The following CDH12 variants were observed in gnomAD, a reference collection of about 807,000 sequenced individuals.
The protein encoded by CDH12 is cadherin-12.
A neutral mutation model predicts 74.1 loss-of-function variants in CDH12; 41 were observed. The observed-to-expected ratio is 0.55, with a 90% confidence interval of 0.43 to 0.72. CDH12 has a LOEUF of 0.72. Ranked by LOEUF, CDH12 falls within the 30% of genes least tolerant of loss-of-function variation. The probability of loss-of-function intolerance (pLI) is 0.00; values close to 1 mark genes in which losing one functional copy is unlikely to be tolerated. For missense variants in CDH12, 945 were observed against 977.2 expected, an observed-to-expected ratio of 0.97 and a Z score of 0.44; for synonymous variants, 399 against 355.0, an observed-to-expected ratio of 1.12 and a Z score of -1.39.
intron 3 of CDH12, among the ~76,000 whole-genome samples, chr5:22,240,355 AAT>A (rs887806661): frequency 2.0e-5 from 3 of 152,186 alleles, no homozygotes; most frequent in African/African-American, 7.2e-5. Context: ...CTTATGTTTT[AAT>A]ATGAGTACAA....
chr5:22,550,985 A>T (rs1414178656), intron 1 of CDH12, among the ~76,000 whole-genome samples: 2 of 152,170 alleles, frequency 1.3e-5, no homozygotes, highest in African/African-American at 2.4e-5. Context: ...TTTGAAACAT[A>T]CTGACATGTA....
intron 3 of CDH12, among the ~76,000 whole-genome samples, chr5:22,304,954 T>C (rs1738039038): frequency 1.3e-5 from 2 of 152,212 alleles, no homozygotes; most frequent in Admixed American, 1.3e-4. Context: ...TCGAAAATAC[T>C]AGAAGGCCCC....
chr5:22,244,606 G>C (rs565396368), intron 3 of CDH12, among the ~76,000 whole-genome samples: 1 of 115,656 alleles, frequency 8.6e-6, no homozygotes, highest in African/African-American at 3.2e-5. Flanking sequence ...GACAGAGAGA[G>C]AAAGGAAGGA....
intron 3 of CDH12, among the ~76,000 whole-genome samples, chr5:22,220,694 T>C (rs1170643904): frequency 6.6e-6 from 1 of 151,718 alleles, no homozygotes; most frequent in Non-Finnish European, 1.5e-5. Flanking sequence ...GGATAAAATT[T>C]AGATAGCTAC....
At chr5:22,006,055 G>A (rs1736937154) in intron 5 of CDH12, among the ~76,000 whole-genome samples, 1 of 152,062 alleles carries the variant, frequency 6.6e-6, no homozygotes, top group Non-Finnish European at 1.5e-5. Context: ...TGGCTTCTGA[G>A]GCATCCCACT....
chr5:21,936,958 T>A (rs1755101051), intron 6 of CDH12, among the ~76,000 whole-genome samples: 1 of 152,232 alleles, frequency 6.6e-6, no homozygotes, highest in South Asian at 2.1e-4. Flanking sequence ...GTGAGTCAAG[T>A]AAGCCTCTTT....
chr5:22,019,485 G>T (rs1003473647), intron 5 of CDH12, among the ~76,000 whole-genome samples: 3 of 152,180 alleles, frequency 2.0e-5, no homozygotes, highest in African/African-American at 4.8e-5. Flanking sequence ...AAGGTGATTA[G>T]GTTTAGATGA....
rs1328158221 is a variant in CDH12, at chr5:22,146,312, G to T, written c.-187+66186C>A. Among the ~76,000 whole-genome samples, 4 of 152,098 alleles carry T rather than the reference G, an allele frequency of 2.6e-5. No individual in the cohort carries two copies. In the East Asian group the frequency reaches 7.7e-4, roughly 29 times the overall value. On this transcript the variant is annotated intron_variant, in intron 4 of 14. Transcript: ENST00000382254. ...TCCCCATAACATGGCCTTAAAAAAG[G>T]TTAATCTTTTAACAACGGGGTCATG...
At chr5:21,883,370 T>C (rs1752458693) in intron 6 of CDH12, 1 of 1,534,150 alleles carries the variant, frequency 6.5e-7, no homozygotes, top group Non-Finnish European at 9.0e-7. Flanking sequence ...TTGTACCTGC[T>C]CTTGAAATTG....
At chr5:22,404,790 T>C (rs1179594264) in intron 3 of CDH12, among the ~76,000 whole-genome samples, 1 of 152,218 alleles carries the variant, frequency 6.6e-6, no homozygotes, top group African/African-American at 2.4e-5. Context: ...CTGGATATTC[T>C]TGGTAACTAG....
chr5:21,923,398 A>G (rs1754446482), intron 6 of CDH12, among the ~76,000 whole-genome samples: 1 of 152,172 alleles, frequency 6.6e-6, no homozygotes, highest in South Asian at 2.1e-4. Context: ...TGTAAATGTT[A>G]GTTTTTAATT....
chr5:22,204,162 G>GT (rs113456439), intron 4 of CDH12, among the ~76,000 whole-genome samples: 4,326 of 129,802 alleles, frequency 0.033, 108 homozygotes, highest in African/African-American at 0.066. Context: ...TGTTTTGTTT[G>GT]TTTTTTTTTT....
chr5:21,757,063 T>C (rs1223091429), intron 13 of CDH12, among the ~76,000 whole-genome samples: 1 of 152,186 alleles, frequency 6.6e-6, no homozygotes, highest in Non-Finnish European at 1.5e-5. Context: ...AAATGACTAA[T>C]AGAAATAGAA....
intron 1 of CDH12, among the ~76,000 whole-genome samples, chr5:22,788,440 C>A (rs10068548): frequency 0.034 from 5,155 of 150,564 alleles, 286 homozygotes; most frequent in African/African-American, 0.12. Context: ...GAGGTGAAAT[C>A]GAAGAAAAAA....
chr5:22,702,894 AG>A (rs1742792642), intron 1 of CDH12, among the ~76,000 whole-genome samples: 2 of 152,062 alleles, frequency 1.3e-5, no homozygotes, highest in Non-Finnish European at 1.5e-5. Flanking sequence ...TTTTTACAAT[AG>A]TTACATTTTG....
chr5:21,895,633 T>A (rs1352087602), intron 6 of CDH12, among the ~76,000 whole-genome samples: 2 of 152,290 alleles, frequency 1.3e-5, no homozygotes, highest in East Asian at 3.9e-4. Flanking sequence ...GCTGCTGATG[T>A]TAGACAGCCT....
chr5:22,561,820 T>C (rs1739062869), intron 1 of CDH12, among the ~76,000 whole-genome samples: 1 of 152,194 alleles, frequency 6.6e-6, no homozygotes, highest in Non-Finnish European at 1.5e-5. Flanking sequence ...GTGTTAGCTC[T>C]GGTAAAACTG....
intron 1 of CDH12, among the ~76,000 whole-genome samples, chr5:22,544,814 CAA>C (rs754866925): frequency 3.8e-5 from 5 of 130,286 alleles, no homozygotes; most frequent in Non-Finnish European, 5.0e-5. Context: ...GAGACTCTGT[CAA>C]AAAAAAAAAA....
intron 1 of CDH12, among the ~76,000 whole-genome samples, chr5:22,648,138 A>C (rs1739536439): frequency 6.6e-6 from 1 of 151,786 alleles, no homozygotes; most frequent in African/African-American, 2.4e-5. Context: ...AATTTTGACA[A>C]AGGCTGATGC....
Sources: allele counts gnomAD v4.1 joint callset (sites outside exome capture counted in the v4.1 genomes callset), GRCh38; gene constraint gnomAD v4.1.1; transcripts MANE v1.5; gene names NCBI Gene and HGNC (gene_info 2026-07-23, HGNC 2026-07-21).